The following DDI2 variants were observed in gnomAD, a reference collection of about 807,000 sequenced individuals.
DDI2 encodes protein DDI1 homolog 2.
DDI2 carries 5 observed loss-of-function variants against 48.1 expected under a neutral mutation model. That is an observed-to-expected ratio of 0.10 (90% CI 0.05 to 0.22). DDI2 has a LOEUF of 0.22. DDI2 is among the 10% of genes least tolerant of loss of function. DDI2 has a pLI of 1.00. For synonymous variants in DDI2, 205 were observed against 183.6 expected (o/e 1.12, Z -0.94); for missense variants, 285 against 506.2 (o/e 0.56, Z 4.19).
intron 4 of DDI2, 157 bp downstream of exon 4, chr1:15,633,722 A>G: frequency 1.8e-6 from 2 of 1,090,806 alleles, no homozygotes; most frequent in South Asian, 2.5e-5. Flanking sequence ...CTCCTCTTTC[A>G]TTTTCTATGC....
intron 2 of DDI2, among the ~76,000 whole-genome samples, chr1:15,628,301 T>A (rs1639789463): frequency 6.6e-6 from 1 of 152,198 alleles, no homozygotes; most frequent in South Asian, 2.1e-4. Context: ...CCTCTTCACT[T>A]CACCATTTCC....
At position 15,619,209 on chromosome 1, in the gene DDI2, C is replaced by T. The variant is rs182046480; in HGVS notation, c.138+1401C>T. 2.6e-3 allele frequency among the ~76,000 whole-genome samples: 399 copies of T among 152,176 alleles called. 3 individuals are homozygous for T. The highest frequency in any genetic ancestry group is 8.8e-3 in the African/African-American group (365 of 41,512). ...GTTCTCGACTCACTGCAACCCCAGT[C>T]TCCCGGGTTCAAGCGATTCTCCTGC... is the stretch of plus-strand genomic sequence containing the variant. On this transcript the variant is annotated intron_variant, in intron 1 of 9. Coordinates refer to ENST00000480945, the MANE Select transcript of DDI2 (RefSeq NM_032341.5).
At chr1:15,625,545 T>G (rs1283836711) in intron 1 of DDI2, among the ~76,000 whole-genome samples, 1 of 152,336 alleles carries the variant, frequency 6.6e-6, no homozygotes, top group Admixed American at 6.5e-5. Flanking sequence ...AATATTTTTA[T>G]TAGTAGTACA....
rs1027637294 is a variant in DDI2 at position 15,651,871 on chromosome 1, C to T, written c.1159C>T (p.Leu387Phe). Residue 387 changes from leucine (L) to phenylalanine (F), a missense_variant, in exon 8 of 10, where the codon CTT becomes TTT. By Grantham distance (22) the Leu-to-Phe change is conservative. Coordinates refer to ENST00000480945, the MANE Select transcript of DDI2 (RefSeq NM_032341.5). ...TGCAGACCAAGAATTAGCAGAAGCC[C>T]TTCAAAAATCAGCAGAGGATGCAGG... ...EIADQELAEA[L>F]QKSAEDAERQ... 1.2e-6 allele frequency: 2 copies of T among 1,613,308 alleles called. No individual in the cohort carries two copies. Among genetic ancestry groups the T allele is most frequent in the Middle Eastern group, 1.7e-4 (1 of 6,052 alleles).
Position 15,638,351 on chromosome 1 carries a change from C to T in DDI2, c.677C>T (p.Ala226Val), listed in dbSNP as rs758837543. The change falls in exon 5 of 10, where the codon GCT (alanine) becomes GTT (valine). Residue 226 changes from alanine to valine, a missense_variant. By Grantham distance (64) the Ala-to-Val change is moderately conservative (BLOSUM62 0). Transcript: ENST00000480945. ...EENMTIAMEE[A>V]PESFGQVVML... ...AACATGACAATAGCTATGGAAGAGGCTCCGGAAAGTTTTGGCCAAGTAGTG... is the reference window on the plus strand; with the variant it reads ...AACATGACAATAGCTATGGAAGAGGTTCCGGAAAGTTTTGGCCAAGTAGTG... 1.2e-6 allele frequency: 2 copies of T among 1,613,888 alleles called. No homozygotes were observed. Among genetic ancestry groups the T allele is most frequent in the Admixed American group, 1.7e-5 (1 of 59,978 alleles).
chr1:15,640,218 C>T (rs17448682), intron 5 of DDI2, among the ~76,000 whole-genome samples: 33,513 of 151,944 alleles, frequency 0.22, 3,843 homozygotes, highest in Middle Eastern at 0.26. Flanking sequence ...TAATAGAATA[C>T]TCAGTGTGTA....
chr1:15,641,503 C>G (rs540421486), intron 5 of DDI2, among the ~76,000 whole-genome samples: 22 of 151,018 alleles, frequency 1.5e-4, no homozygotes, highest in African/African-American at 4.9e-4. Flanking sequence ...TTTAGGAAAA[C>G]TAAAGGTAGA....
chr1:15,668,001 G>A lies in DDI2; in HGVS notation c.*8211G>A, dbSNP rs1362421948. On this transcript the variant is annotated 3_prime_UTR_variant, in exon 10 of 10. Coordinates refer to ENST00000480945, the MANE Select transcript of DDI2 (RefSeq NM_032341.5). ...GTTAAGCCAACTATGGAAGATTGGG[G>A]TCGTGGGGGCATGAAATACAAAATT... 6.6e-6 allele frequency: 1 copy of A among 152,120 alleles called. No homozygotes were observed. The allele number at this position is 152,120 out of a possible 1,614,324, so 9.4% of individuals were successfully genotyped here.
At chr1:15,634,967 A>C (rs1639905323) in intron 4 of DDI2, among the ~76,000 whole-genome samples, 1 of 152,156 alleles carries the variant, frequency 6.6e-6, no homozygotes. Context: ...TCAGAAATAC[A>C]GGCTAGTCCT....
chr1:15,664,488 T>A lies in DDI2; in HGVS notation c.*4698T>A, dbSNP rs17448966. ...TGTTAATATTTTGGATGACTTAAAT[T>A]TAGCAGCTCTAGAATGCAAAGGGTA... is the stretch of plus-strand genomic sequence containing the variant. On this transcript the variant is annotated 3_prime_UTR_variant, in exon 10 of 10. Transcript: ENST00000480945. 1 of 151,300 alleles carries A rather than the reference T, an allele frequency of 6.6e-6. No homozygotes were observed. The highest frequency in any genetic ancestry group is 6.6e-5 in the Admixed American group (1 of 15,216). 9.4% of individuals were successfully genotyped at this position (151,300 alleles called of 1,614,324 possible).
intron 8 of DDI2, among the ~76,000 whole-genome samples, chr1:15,655,931 C>T (rs1385772101): frequency 6.6e-6 from 1 of 151,200 alleles, no homozygotes; most frequent in Non-Finnish European, 1.5e-5. Context: ...CTCAAAAAAA[C>T]AACAAAAAAA....
Position 15,643,647 on chromosome 1 carries a change from C to G in DDI2, c.886C>G (p.Leu296Val). Residue 296 changes from leucine (L) to valine (V), a missense_variant, in exon 6 of 10, where the codon CTA (leucine) becomes GTA (valine). Physicochemically the swap from Leu to Val is conservative, Grantham distance 32. Around this residue, in one of 3 missense-constraint regions of DDI2, gnomAD observed 70 missense variants for 182.3 expected, o/e 0.38. Transcript: ENST00000480945. ...CCAGAAGATTATTGGAAGGGTACAT[C>G]TAGGTGAGCAAAAGGCACTGGGGCT... is the stretch of plus-strand genomic sequence containing the variant. Reference protein sequence around the residue: ...GTQKIIGRVHLAQVQIEGDFL... With the variant: ...GTQKIIGRVHVAQVQIEGDFL... 1 of 1,614,034 alleles carries G rather than the reference C, an allele frequency of 6.2e-7. No homozygotes were observed. The highest frequency in any genetic ancestry group is 8.5e-7 in the Non-Finnish European group (1 of 1,179,982).
chr1:15,624,896 T>C (rs1170319627), intron 1 of DDI2, among the ~76,000 whole-genome samples: 1 of 152,192 alleles, frequency 6.6e-6, no homozygotes, highest in Non-Finnish European at 1.5e-5. Context: ...TCATACCAGA[T>C]CTGAAATGTG....
intron 6 of DDI2, 118 bp downstream of exon 6, chr1:15,643,768 T>TC: frequency 7.0e-7 from 1 of 1,422,062 alleles, no homozygotes; most frequent in Non-Finnish European, 9.4e-7. Context: ...GTTTTAAATT[T>TC]CTTTTGTGTG....
chr1:15,620,668 A>G (rs1178725056), intron 1 of DDI2, among the ~76,000 whole-genome samples: 1 of 152,152 alleles, frequency 6.6e-6, no homozygotes, highest in African/African-American at 2.4e-5. Flanking sequence ...AAAATGTTTC[A>G]GATTATGCTT....
intron 6 of DDI2, 94 bp downstream of exon 6, chr1:15,643,744 ATTTTGTTGTTGTTG>A: frequency 6.7e-7 from 1 of 1,501,470 alleles, no homozygotes; most frequent in South Asian, 1.3e-5. Context: ...TTTTGTTGTT[ATTTTGTTGTTGTTG>A]TTTTAAATTT....
At chr1:15,652,954 A>C (rs947444135) in intron 8 of DDI2, among the ~76,000 whole-genome samples, 1 of 152,026 alleles carries the variant, frequency 6.6e-6, no homozygotes, top group African/African-American at 2.4e-5. Context: ...GCAGTGAGTC[A>C]AGATGGCACC....
intron 9 of DDI2, among the ~76,000 whole-genome samples, chr1:15,658,391 C>G: frequency 6.6e-6 from 1 of 151,840 alleles, no homozygotes; most frequent in South Asian, 2.1e-4. Context: ...CTCAGGTGAT[C>G]CACCTGCCTC....
chr1:15,637,499 C>G (rs1639947153), intron 4 of DDI2, among the ~76,000 whole-genome samples: 1 of 152,088 alleles, frequency 6.6e-6, no homozygotes, highest in African/African-American at 2.4e-5. Flanking sequence ...TCCTGAGTAG[C>G]TGGGATTACA....
Sources: gnomAD v4.1 joint callset for allele counts (sites outside exome capture counted in the v4.1 genomes callset) on GRCh38, gnomAD v4.1.1 for gene constraint, gnomAD v4.1.1 regional missense constraint, MANE v1.5 for transcripts, NCBI Gene and HGNC (gene_info 2026-07-23, HGNC 2026-07-21) for gene names.